NIPBL: variants seen among roughly 807,000 people sequenced by gnomAD.
NIPBL encodes NIPBL cohesin loading factor, also known as nipped-B-like protein.
A neutral mutation model predicts 321.8 loss-of-function variants in NIPBL; 19 were observed. That is an observed-to-expected ratio of 0.06 (90% CI 0.04 to 0.09). NIPBL has a LOEUF of 0.09. Among genes scored for constraint, NIPBL ranks in the 10% least tolerant of loss-of-function variants. The pLI is 1.00. For synonymous variants in NIPBL, 1,106 were observed against 1,114.1 expected, an observed-to-expected ratio of 0.99 and a Z score of 0.14; for missense variants, 2,210 against 3,327.0, an observed-to-expected ratio of 0.66 and a Z score of 8.26.
intron 21 of NIPBL, among the ~76,000 whole-genome samples, chr5:37,014,044 A>C (rs1219523330): frequency 6.6e-6 from 1 of 152,200 alleles, no homozygotes; most frequent in African/African-American, 2.4e-5. Flanking sequence ...CGTCTCCACC[A>C]AAAAAATACG....
rs764877150 is a variant in NIPBL, at chr5:37,016,179, A to T, written c.4776+9A>T. 1 of 1,613,048 alleles carries T rather than the reference A, an allele frequency of 6.2e-7. No individual in the cohort carries two copies. Among genetic ancestry groups the T allele is most frequent in the Non-Finnish European group, 8.5e-7 (1 of 1,179,124 alleles). ...TGTTAGGGAGACTGTTGGTAAGAGT[A>T]TAGCATTTAAAGATTATTAGATTAC... On this transcript the variant is annotated intron_variant, in intron 23 of 46. Coordinates refer to ENST00000282516, the MANE Select transcript of NIPBL (RefSeq NM_133433.4).
At chr5:36,893,556 G>C (rs555483405) in intron 1 of NIPBL, among the ~76,000 whole-genome samples, 34 of 151,050 alleles carry the variant, frequency 2.3e-4, no homozygotes, top group Middle Eastern at 3.4e-3. Flanking sequence ...TTTTAGCTGT[G>C]TTCCCTTAGA....
chr5:36,877,318 C>T (rs1745159913), intron 1 of NIPBL, 140 bp downstream of exon 1: 1 of 154,674 alleles, frequency 6.5e-6, no homozygotes. Context: ...GAGTTCGCTC[C>T]TCTCTGGTGG....
chr5:36,921,570 GT>G (rs1441509009), intron 1 of NIPBL, among the ~76,000 whole-genome samples: 1 of 152,108 alleles, frequency 6.6e-6, no homozygotes, highest in Non-Finnish European at 1.5e-5. Flanking sequence ...GTCGAGATAA[GT>G]TCATATTGTC....
chr5:37,016,358 G>T (rs766195510), intron 23 of NIPBL, among the ~76,000 whole-genome samples, 188 bp downstream of exon 23: 1 of 151,846 alleles, frequency 6.6e-6, no homozygotes, highest in Non-Finnish European at 1.5e-5. Flanking sequence ...ATGTTGTGAA[G>T]TTTGGTGCTT....
At chr5:36,990,314 G>A (rs1049913112) in intron 10 of NIPBL, among the ~76,000 whole-genome samples, 2 of 152,122 alleles carry the variant, frequency 1.3e-5, no homozygotes, top group Non-Finnish European at 2.9e-5. Flanking sequence ...TCATCAGCTG[G>A]TTGCCTTTTA....
chr5:37,033,528 T>A lies in NIPBL; in HGVS notation c.5863-2851T>A, dbSNP rs145127656. Among the ~76,000 whole-genome samples the A allele has an allele frequency of 5.3e-3, 764 of 145,496 alleles. 3 individuals carry two copies. Among genetic ancestry groups the A allele is most frequent in the Non-Finnish European group, 7.0e-3 (472 of 67,150 alleles). On this transcript the variant is annotated intron_variant, in intron 32 of 46. Coordinates refer to ENST00000282516, the MANE Select transcript of NIPBL (RefSeq NM_133433.4). ...GAGAAAAGATAGACTGTTTAGTAAATGGGGTTGGGATATTTGACTGTCCAT... is the reference window on the plus strand; with the variant it reads ...GAGAAAAGATAGACTGTTTAGTAAAAGGGGTTGGGATATTTGACTGTCCAT...
chr5:37,019,415 C>T lies in NIPBL; in HGVS notation c.5010+15C>T, dbSNP rs1227271240. 3 of 1,587,456 alleles carry T rather than the reference C, an allele frequency of 1.9e-6. No individual in the cohort carries two copies. Among genetic ancestry groups the T allele is most frequent in the Non-Finnish European group, 2.6e-6 (3 of 1,156,206 alleles). On this transcript the variant is annotated intron_variant, in intron 25 of 46. Transcript: ENST00000282516. ...CTTCACTAGTGGTAGGATTCTTTTC[C>T]CCTGTTTTGGAGATACTACATGTTT... is the stretch of plus-strand genomic sequence containing the variant.
chr5:36,897,831 T>TC (rs1746876693), intron 1 of NIPBL, among the ~76,000 whole-genome samples: 1 of 147,450 alleles, frequency 6.8e-6, no homozygotes. Context: ...AAGTCTTTAC[T>TC]CCACTAGTCA....
At chr5:37,012,954 A>G (rs1194883935) in intron 21 of NIPBL, among the ~76,000 whole-genome samples, 3 of 152,114 alleles carry the variant, frequency 2.0e-5, no homozygotes, top group African/African-American at 7.2e-5. Context: ...CATTGTCATC[A>G]TGGCCCGTTC....
chr5:37,001,805 G>A (rs1019919165), intron 14 of NIPBL, among the ~76,000 whole-genome samples: 1 of 152,074 alleles, frequency 6.6e-6, no homozygotes, highest in Non-Finnish European at 1.5e-5. Context: ...ATATTAAAAT[G>A]TTTATAAAAA....
chr5:37,033,871 A>G (rs1751404355), intron 32 of NIPBL, among the ~76,000 whole-genome samples: 1 of 150,950 alleles, frequency 6.6e-6, no homozygotes, highest in Non-Finnish European at 1.5e-5. Flanking sequence ...CCCAGCCTGA[A>G]TATATTTTTG....
At chr5:37,038,496 A>G in intron 33 of NIPBL, 106 bp from the exon 34 acceptor site, 1 of 943,594 alleles carries the variant, frequency 1.1e-6, no homozygotes, top group Non-Finnish European at 1.6e-6. Flanking sequence ...TGAGGCCTAT[A>G]CTGGACCTAT....
chr5:36,973,065 T>C (rs1447165954), intron 8 of NIPBL, among the ~76,000 whole-genome samples: 5 of 152,216 alleles, frequency 3.3e-5, no homozygotes, highest in African/African-American at 9.6e-5. Context: ...AGTCCAGGTT[T>C]GAGCCAGTTT....
chr5:37,055,173 A>G (rs912277135), intron 42 of NIPBL, among the ~76,000 whole-genome samples: 17 of 151,990 alleles, frequency 1.1e-4, no homozygotes, highest in African/African-American at 4.1e-4. Flanking sequence ...ACATGGCAAA[A>G]TCCTCTCTCT....
chr5:36,942,537 C>T (rs888878211), intron 1 of NIPBL, among the ~76,000 whole-genome samples: 4 of 149,010 alleles, frequency 2.7e-5, no homozygotes, highest in Admixed American at 2.0e-4. Flanking sequence ...GTCAGGAGTT[C>T]GAGACCAGTC....
At chr5:36,952,174 A>G (rs898132514) in intron 1 of NIPBL, among the ~76,000 whole-genome samples, 1 of 151,932 alleles carries the variant, frequency 6.6e-6, no homozygotes, top group Non-Finnish European at 1.5e-5. Flanking sequence ...AACTACCCGT[A>G]TAATTATACG....
intron 32 of NIPBL, among the ~76,000 whole-genome samples, chr5:37,031,046 C>T (rs548289366): frequency 2.6e-5 from 4 of 151,510 alleles, no homozygotes; most frequent in Non-Finnish European, 4.4e-5. Context: ...TGCAGTGGCA[C>T]GATCTCCGCT....
chr5:36,941,758 A>G (rs1025590634), intron 1 of NIPBL, among the ~76,000 whole-genome samples: 6 of 152,140 alleles, frequency 3.9e-5, no homozygotes, highest in African/African-American at 1.4e-4. Context: ...TAAATCAGAA[A>G]TCTCACTTAA....
Sources: allele counts gnomAD v4.1 joint callset (sites outside exome capture counted in the v4.1 genomes callset), GRCh38; gene constraint gnomAD v4.1.1; transcripts MANE v1.5; gene names NCBI Gene and HGNC (gene_info 2026-07-23, HGNC 2026-07-21).